The following LIFR variants were observed in gnomAD, a reference collection of about 807,000 sequenced individuals.
LIFR encodes leukemia inhibitory factor receptor.
LIFR carries 84 observed loss-of-function variants against 122.2 expected under a neutral mutation model. The ratio of observed to expected loss-of-function variants is 0.69; its 90% CI spans 0.58 to 0.82. The LOEUF (loss-of-function observed/expected upper bound fraction) is 0.82. Among genes scored for constraint, LIFR ranks in the 40% least tolerant of loss-of-function variants. LIFR has a pLI of 0.00. For synonymous variants in LIFR, 422 were observed against 434.7 expected (o/e 0.97, Z 0.36); for missense variants, 1,294 against 1,311.6 (o/e 0.99, Z 0.21).
upstream of LIFR, among the ~76,000 whole-genome samples, chr5:38,597,284 G>A (rs149318816): frequency 9.2e-3 from 1,409 of 152,336 alleles, 23 homozygotes; most frequent in Non-Finnish European, 0.012. Context: ...AGGATTAGTT[G>A]TAATGAGATT....
chr5:38,493,472 T>C (rs1744706642), intron 14 of LIFR, 134 bp downstream of exon 14: 1 of 788,900 alleles, frequency 1.3e-6, no homozygotes, highest in Non-Finnish European at 2.2e-6. Context: ...CTGCCACAAC[T>C]ACCCTCCCAG....
chr5:38,522,566 T>G (rs1746459036), intron 5 of LIFR, among the ~76,000 whole-genome samples: 1 of 152,164 alleles, frequency 6.6e-6, no homozygotes, highest in Non-Finnish European at 1.5e-5. Flanking sequence ...TATATTACAA[T>G]TGCCTCCATT....
At chr5:38,567,494 C>CTTTATTTATTTA (rs1347897581) in intron 1 of LIFR, among the ~76,000 whole-genome samples, 9 of 88,408 alleles carry the variant, frequency 1.0e-4, no homozygotes, top group Admixed American at 8.1e-4. Context: ...TATGACCATT[C>CTTTATTTATTTA]TGTATTTATT....
intron 1 of LIFR, chr5:38,550,352 T>C: frequency 2.6e-6 from 1 of 381,288 alleles, no homozygotes; most frequent in Non-Finnish European, 3.6e-6. Flanking sequence ...AAAGCATCTG[T>C]TTTCAAATAC....
chr5:38,507,011 C>T (rs1745522323), intron 7 of LIFR, among the ~76,000 whole-genome samples: 1 of 152,062 alleles, frequency 6.6e-6, no homozygotes, highest in South Asian at 2.1e-4. Flanking sequence ...CATCTATCAT[C>T]AATATACTGT....
At chr5:38,581,234 T>C (rs549933377) in intron 1 of LIFR, among the ~76,000 whole-genome samples, 1 of 152,058 alleles carries the variant, frequency 6.6e-6, no homozygotes, top group Non-Finnish European at 1.5e-5. Flanking sequence ...AAAAAAAAAC[T>C]TATCAGGTCA....
rs1748566512 is a variant in LIFR at position 38,556,579 on chromosome 5, C to G, written c.-265G>C. ...CTCCGCGAACCCCGCGGGCCGCCGC[C>G]GCCGCCAGAGCCTCCCAGAGGCAAC... On this transcript the variant is annotated 5_prime_UTR_variant, in exon 1 of 20. Coordinates refer to ENST00000453190, the MANE Select transcript of LIFR (RefSeq NM_001127671.2). 1.3e-5 allele frequency: 2 copies of G among 149,774 alleles called. No homozygotes were observed. Among genetic ancestry groups the G allele is most frequent in the South Asian group, 4.1e-4 (2 of 4,824 alleles). 9.3% of individuals were successfully genotyped at this position (149,774 alleles called of 1,614,324 possible).
intron 2 of LIFR, among the ~76,000 whole-genome samples, chr5:38,603,842 G>T (rs1750271219): frequency 6.6e-6 from 1 of 152,148 alleles, no homozygotes; most frequent in African/African-American, 2.4e-5. Context: ...ATTCATTCCT[G>T]TGGTCAGACT....
intron 5 of LIFR, among the ~76,000 whole-genome samples, chr5:38,516,265 TTCC>T (rs1291378659): frequency 7.9e-5 from 12 of 152,288 alleles, no homozygotes; most frequent in Admixed American, 3.9e-4. Context: ...CTCTAGTTAG[TTCC>T]TCCTCAAGTT....
At chr5:38,504,973 G>GT (rs1345727738) in intron 9 of LIFR, among the ~76,000 whole-genome samples, 3 of 152,154 alleles carry the variant, frequency 2.0e-5, no homozygotes, top group African/African-American at 7.2e-5. Context: ...GGTCTAGGCC[G>GT]TTGCTCAGTG....
chr5:38,551,150 A>T lies in LIFR; in HGVS notation c.-20+5184T>A, dbSNP rs558101869. Among the ~76,000 whole-genome samples the T allele has an allele frequency of 8.5e-5, 13 of 152,214 alleles. No individual in the cohort carries two copies. The South Asian group carries it at 2.7e-3, about 32-fold the overall frequency. On this transcript the variant is annotated intron_variant, in intron 1 of 19. Coordinates refer to ENST00000453190, the MANE Select transcript of LIFR (RefSeq NM_001127671.2). ...CTCCTAACTTTAACTGTTTCTATGG[A>T]GATGTTTTTGCAATGGTCTTGCCTC...
chr5:38,534,209 T>A (rs1323446771), intron 1 of LIFR, among the ~76,000 whole-genome samples: 1 of 152,190 alleles, frequency 6.6e-6, no homozygotes, highest in East Asian at 1.9e-4. Flanking sequence ...ATTTTCCTTA[T>A]CCCATTTCCC....
chr5:38,528,755 A>G lies in LIFR; in HGVS notation c.228T>C (p.Gly76=). The G allele has an allele frequency of 6.3e-7, 1 of 1,595,234 alleles. No homozygotes were observed. The highest frequency in any genetic ancestry group is 8.6e-7 in the Non-Finnish European group (1 of 1,168,848). Residue 76 remains glycine, a synonymous_variant, in exon 3 of 20, where the codon GGT becomes GGC. Transcript: ENST00000453190. ...TTTCAATGCAAACTTCATAATCAGT[A>G]CCACGGCCTGTTCCAGAGGGTGCTT... The part of the protein sequence containing the change: ...SWKAPSGTGR[G]TDYEVCIENR...
chr5:38,527,150 C>T lies in LIFR; in HGVS notation c.397+5G>A, dbSNP rs746204061. The T allele has an allele frequency of 1.9e-6, 3 of 1,588,402 alleles. No individual in the cohort carries two copies. The highest frequency in any genetic ancestry group is 2.6e-6 in the Non-Finnish European group (3 of 1,160,334). ...TTAAAATTGAGTTTGTTTTCAAATA[C>T]TTACAAACGTTTTGTTCATTTAGTG... On this transcript the variant is annotated splice_donor_5th_base_variant and intron_variant, in intron 4 of 19. Coordinates refer to ENST00000453190, the MANE Select transcript of LIFR (RefSeq NM_001127671.2).
rs74530265 is a variant in LIFR at position 38,506,283 on chromosome 5, A to T, written c.1122-209T>A. Among the ~76,000 whole-genome samples, 666 of 152,324 alleles carry T rather than the reference A, an allele frequency of 4.4e-3. 5 individuals carry two copies. The highest frequency in any genetic ancestry group is 0.015 in the African/African-American group (622 of 41,566). On this transcript the variant is annotated intron_variant, in intron 8 of 19. Transcript: ENST00000453190. ...TACTACCGAGAAACAGTCTCTGTTC[A>T]TGTTCAAGTGTTCTTCATTCTAAGC...
At chr5:38,549,642 T>A (rs1462578345) in intron 1 of LIFR, among the ~76,000 whole-genome samples, 1 of 151,976 alleles carries the variant, frequency 6.6e-6, no homozygotes, top group Non-Finnish European at 1.5e-5. Context: ...ATACAAAAAA[T>A]TAGCCGGGCG....
At chr5:38,526,437 GTGTGTATA>G (rs759684706) in intron 4 of LIFR, among the ~76,000 whole-genome samples, 233 of 149,676 alleles carry the variant, frequency 1.6e-3, no homozygotes, top group African/African-American at 5.3e-3. Context: ...GTGTGTGTGT[GTGTGTATA>G]TATATATATA....
chr5:38,493,769 T>C lies in LIFR; in HGVS notation c.1902A>G (p.Glu634=). The change falls in exon 14 of 20, where the codon GAA becomes GAG. Residue 634 remains glutamate (E), a synonymous_variant. Transcript: ENST00000453190. ...TCCCCTTTCCCATCCCAACAACTTGTTCTATTTTGAGATCATCTTCAATAA... is the reference window on the plus strand; with the variant it reads ...TCCCCTTTCCCATCCCAACAACTTGCTCTATTTTGAGATCATCTTCAATAA... ...MEIPNDDLKI[E]QVVGMGKGIL... 1 of 1,614,098 alleles carries C rather than the reference T, an allele frequency of 6.2e-7. No individual in the cohort carries two copies. The highest frequency in any genetic ancestry group is 8.5e-7 in the Non-Finnish European group (1 of 1,179,920).
intron 1 of LIFR, among the ~76,000 whole-genome samples, chr5:38,589,380 G>C (rs1032064676): frequency 1.3e-5 from 2 of 151,866 alleles, no homozygotes; most frequent in Non-Finnish European, 2.9e-5. Flanking sequence ...ATACTTTAGA[G>C]GACTATGAAT....
Sources: gnomAD v4.1 joint callset for allele counts (sites outside exome capture counted in the v4.1 genomes callset) on GRCh38, gnomAD v4.1.1 for gene constraint, MANE v1.5 for transcripts, NCBI Gene and HGNC (gene_info 2026-07-23, HGNC 2026-07-21) for gene names.